NCOR1: variants seen among roughly 807,000 people sequenced by gnomAD.
NCOR1 encodes nuclear receptor corepressor 1, also known as protein phosphatase 1, regulatory subunit 109.
Under a neutral mutation model 288.1 loss-of-function variants are expected in NCOR1, and 63 were observed. The ratio of observed to expected loss-of-function variants is 0.22; its 90% CI spans 0.18 to 0.27. The LOEUF is 0.27. Among genes scored for constraint, NCOR1 ranks in the 10% least tolerant of loss-of-function variants. The pLI is 1.00. For synonymous variants in NCOR1, 1,007 were observed against 1,065.9 expected (o/e 0.94, Z 1.08); for missense variants, 2,397 against 3,019.2 (o/e 0.79, Z 4.83).
intron 2 of NCOR1, among the ~76,000 whole-genome samples, chr17:16,193,523 G>A (rs565934090): frequency 2.0e-5 from 3 of 152,010 alleles, no homozygotes; most frequent in Non-Finnish European, 2.9e-5. Flanking sequence ...ATGAGCCACC[G>A]CGCCCGGCCT....
At chr17:16,190,826 GAAT>G (rs2088082949) in intron 2 of NCOR1, among the ~76,000 whole-genome samples, 1 of 152,188 alleles carries the variant, frequency 6.6e-6, no homozygotes, top group African/African-American at 2.4e-5. Context: ...TTCAGAAACT[GAAT>G]AATAGGCAGC....
chr17:16,114,156 A>ACAAC (rs61059609), intron 18 of NCOR1, among the ~76,000 whole-genome samples: 3 of 147,272 alleles, frequency 2.0e-5, no homozygotes, highest in Admixed American at 6.8e-5. Context: ...AAAAAAAAAA[A>ACAAC]AAAAAAAAAA....
chr17:16,032,230 C>T lies in NCOR1; in HGVS notation c.*66G>A, dbSNP rs1484185917. On this transcript the variant is annotated 3_prime_UTR_variant, in exon 46 of 46. Transcript: ENST00000268712. Reference sequence around the variant, plus strand: ...AGGAGGGCAGGTTTTTGACCTGCTACTAAAAATTAAACCACAAAAACTAGA... The same window carrying T: ...AGGAGGGCAGGTTTTTGACCTGCTATTAAAAATTAAACCACAAAAACTAGA... The T allele has an allele frequency of 6.8e-7, 1 of 1,460,444 alleles. No homozygotes were observed. The highest frequency in any genetic ancestry group is 9.0e-7 in the Non-Finnish European group (1 of 1,106,802). 90.5% of individuals were successfully genotyped at this position (1,460,444 alleles called of 1,614,324 possible).
chr17:16,146,208 A>T (rs1014311570), intron 10 of NCOR1, among the ~76,000 whole-genome samples, 168 bp downstream of exon 10: 8 of 152,058 alleles, frequency 5.3e-5, no homozygotes, highest in East Asian at 1.9e-4. Context: ...CTTTGTTCAC[A>T]TGTTTATCTG....
Position 16,065,031 on chromosome 17 carries a change from A to G in NCOR1, c.4952-12T>C, listed in dbSNP as rs771957011. ...CAGGTCAATGATTCCTATCCAAAAGACAATACAATTTATGTTAAGTGTTAT... is the reference window on the plus strand; with the variant it reads ...CAGGTCAATGATTCCTATCCAAAAGGCAATACAATTTATGTTAAGTGTTAT... On this transcript the variant is annotated splice_polypyrimidine_tract_variant and intron_variant, in intron 33 of 45. Coordinates refer to ENST00000268712, the MANE Select transcript of NCOR1 (RefSeq NM_006311.4). The G allele has an allele frequency of 2.5e-6, 4 of 1,610,886 alleles. No individual in the cohort carries two copies. The South Asian group carries it at 3.3e-5, about 13-fold the overall frequency.
At chr17:16,081,597 G>A (rs947853381) in intron 23 of NCOR1, among the ~76,000 whole-genome samples, 8 of 152,132 alleles carry the variant, frequency 5.3e-5, no homozygotes, top group African/African-American at 1.7e-4. Flanking sequence ...CTCATTCCCA[G>A]ATAACTGTCA....
At chr17:16,145,547 C>A (rs1346735188) in intron 10 of NCOR1, among the ~76,000 whole-genome samples, 1 of 134,062 alleles carries the variant, frequency 7.5e-6, no homozygotes, top group African/African-American at 2.5e-5. Context: ...TCTGCCCCGC[C>A]GCCACCCTGT....
intron 7 of NCOR1, among the ~76,000 whole-genome samples, chr17:16,152,366 A>G (rs2079016129): frequency 1.3e-5 from 2 of 149,264 alleles, no homozygotes; most frequent in African/African-American, 5.0e-5. Flanking sequence ...AAGTGTTCTC[A>G]TTGTTCAATT....
chr17:16,107,407 G>C (rs190046624), intron 19 of NCOR1, among the ~76,000 whole-genome samples: 192 of 152,194 alleles, frequency 1.3e-3, no homozygotes, highest in African/African-American at 4.2e-3. Context: ...CCAGGAGTGC[G>C]CACACCCAAA....
intron 27 of NCOR1, 112 bp downstream of exon 27, chr17:16,075,422 A>G: frequency 8.5e-7 from 1 of 1,175,954 alleles, no homozygotes; most frequent in Non-Finnish European, 1.2e-6. Context: ...GAGAAAACAT[A>G]GGCTCAGCAA....
At chr17:16,173,147 C>T (rs538786864) in intron 3 of NCOR1, among the ~76,000 whole-genome samples, 4 of 152,238 alleles carry the variant, frequency 2.6e-5, no homozygotes, top group Admixed American at 2.0e-4. Context: ...GTCTCGAACT[C>T]CTGAGCTAAG....
intron 3 of NCOR1, among the ~76,000 whole-genome samples, chr17:16,172,764 T>C (rs2083364887): frequency 6.6e-6 from 1 of 152,204 alleles, no homozygotes; most frequent in Admixed American, 6.5e-5. Context: ...ACAGGATGTA[T>C]TGTTGAGTCC....
intron 1 of NCOR1, among the ~76,000 whole-genome samples, chr17:16,196,506 A>G (rs983476896): frequency 6.6e-6 from 1 of 152,170 alleles, no homozygotes; most frequent in Admixed American, 6.5e-5. Context: ...CTATGTCTAC[A>G]AGAAAATTAA....
At chr17:16,035,826 G>A (rs1483958945) in intron 44 of NCOR1, among the ~76,000 whole-genome samples, 1 of 152,116 alleles carries the variant, frequency 6.6e-6, no homozygotes, top group Admixed American at 6.5e-5. Flanking sequence ...ACAGGCATGA[G>A]TCATCATACC....
chr17:16,206,369 G>A (rs936895100), intron 1 of NCOR1, among the ~76,000 whole-genome samples: 16 of 151,264 alleles, frequency 1.1e-4, no homozygotes, highest in Admixed American at 3.3e-4. Flanking sequence ...ACCGTAAGTT[G>A]ATTAAGCAAA....
At chr17:16,181,318 G>A (rs1438336599) in intron 3 of NCOR1, among the ~76,000 whole-genome samples, 1 of 149,512 alleles carries the variant, frequency 6.7e-6, no homozygotes, top group African/African-American at 2.5e-5. Context: ...GATGGACCAT[G>A]CTGAAACCAC....
intron 32 of NCOR1, among the ~76,000 whole-genome samples, chr17:16,067,099 T>C (rs1307134200): frequency 6.6e-6 from 1 of 152,244 alleles, no homozygotes; most frequent in South Asian, 2.1e-4. Flanking sequence ...CAAGCCTCTC[T>C]GTACCAACCG....
chr17:16,138,956 T>C, intron 12 of NCOR1, 52 bp downstream of exon 12: 1 of 1,329,972 alleles, frequency 7.5e-7, no homozygotes, highest in Admixed American at 2.8e-5. Context: ...CCAAATACTT[T>C]TTACTAACTT....
chr17:16,045,043 C>G lies in NCOR1; in HGVS notation c.6679+1908G>C, dbSNP rs532748531. 16 of 400,472 alleles carry G rather than the reference C, an allele frequency of 4.0e-5. No individual in the cohort carries two copies. The Admixed American group carries it at 4.7e-4, about 12-fold the overall frequency. The allele number at this position is 400,472 out of a possible 1,614,324, so 24.8% of individuals were successfully genotyped here. On this transcript the variant is annotated intron_variant, in intron 42 of 45. Transcript: ENST00000268712. ...AACCAGACTATGGTCTACCCAAAGTCTCTCTATCAAGGGGACTGAGGAAAA... is the reference window on the plus strand; with the variant it reads ...AACCAGACTATGGTCTACCCAAAGTGTCTCTATCAAGGGGACTGAGGAAAA...
Sources: allele counts gnomAD v4.1 joint callset (sites outside exome capture counted in the v4.1 genomes callset), GRCh38; gene constraint gnomAD v4.1.1; transcripts MANE v1.5; gene names NCBI Gene and HGNC (gene_info 2026-07-23, HGNC 2026-07-21).